Variants in RUSC1 observed in about 807,000 individuals in gnomAD.
RUSC1 encodes AP-4 complex accessory subunit RUSC1.
Under a neutral mutation model 72.1 loss-of-function variants are expected in RUSC1, and 40 were observed. That is an observed-to-expected ratio of 0.55 (90% CI 0.43 to 0.72). The LOEUF is 0.72. RUSC1 is among the 30% of genes least tolerant of loss of function. The pLI is 0.00. For synonymous variants in RUSC1, 512 were observed against 494.2 expected, an observed-to-expected ratio of 1.04 and a Z score of -0.48; for missense variants, 1,092 against 1,172.3, an observed-to-expected ratio of 0.93 and a Z score of 1.00.
chr1:155,328,174 G>A lies in RUSC1; in HGVS notation c.2439G>A (p.Pro813=), dbSNP rs552183971. The change falls in exon 9 of 10, where the codon CCG becomes CCA. Residue 813 remains proline (P), a synonymous_variant. Transcript: ENST00000368352. Reference sequence around the variant, plus strand: ...GGAGACCATCTAGCTGGCTGCCCCCGACAGTGAGTGTGTTGGCTCTTGTGA... The same window carrying A: ...GGAGACCATCTAGCTGGCTGCCCCCAACAGTGAGTGTGTTGGCTCTTGTGA... ...KSRRPSSWLP[P]TVSVLALVKR... is the part of the protein sequence containing the mutation. 1.5e-5 allele frequency: 24 copies of A among 1,613,332 alleles called. No individual in the cohort carries two copies. In the South Asian group the frequency reaches 2.2e-4, roughly 15 times the overall value.
chr1:155,325,987 C>T lies in RUSC1; in HGVS notation c.1861+77C>T, dbSNP rs1012565528. On this transcript the variant is annotated intron_variant, in intron 7 of 9. Coordinates refer to ENST00000368352, the MANE Select transcript of RUSC1 (RefSeq NM_001105203.2). This position sits in a 1 kb window ranked among gnomAD's most constrained non-coding sequence, Gnocchi z 6.5. ...AGGAAAGAGTTCTCTCCTGCTGGTT[C>T]CCACTGCTGCCAGAATGCCATTAAT... 1.4e-6 allele frequency: 2 copies of T among 1,405,874 alleles called. No homozygotes were observed. The highest frequency in any genetic ancestry group is 1.7e-5 in the Admixed American group (1 of 59,428). The allele number at this position is 1,405,874 out of a possible 1,614,324, so 87.1% of individuals were successfully genotyped here. A position where few individuals can be genotyped will look rare whatever the true frequency, so the allele number is the denominator to read the frequency against.
In RUSC1 at chr1:155,326,085, C is replaced by T. The variant is rs1651370289; in HGVS notation, c.1861+175C>T. On this transcript the variant is annotated intron_variant, in intron 7 of 9. Coordinates refer to ENST00000368352, the MANE Select transcript of RUSC1 (RefSeq NM_001105203.2). The surrounding 1 kb of genome is among the most constrained non-coding windows in gnomAD (Gnocchi z 4.7). ...GCCCATCGCCCATAGGATGAAAGACCCAAAGCCTTGGCTGTCTGGCCTCTG... is the reference window on the plus strand; with the variant it reads ...GCCCATCGCCCATAGGATGAAAGACTCAAAGCCTTGGCTGTCTGGCCTCTG... 6 of 716,320 alleles carry T rather than the reference C, an allele frequency of 8.4e-6. No individual in the cohort carries two copies. The highest frequency in any genetic ancestry group is 1.2e-5 in the Non-Finnish European group (5 of 429,178). 44.4% of individuals were successfully genotyped at this position (716,320 alleles called of 1,614,324 possible).
rs1383088657 is a variant in RUSC1, at chr1:155,321,712, G to A, written c.-62G>A. ...GGTCTGCACCTGTGGTTGCCAGGTA[G>A]GTGGATGTGAGAGACCCTACCCTTC... On this transcript the variant is annotated 5_prime_UTR_variant, in exon 2 of 10. Transcript: ENST00000368352. 1.3e-6 allele frequency: 2 copies of A among 1,596,240 alleles called. No individual in the cohort carries two copies. Among genetic ancestry groups the A allele is most frequent in the Non-Finnish European group, 1.7e-6 (2 of 1,168,654 alleles).
At position 155,321,798 on chromosome 1, in the gene RUSC1, C is replaced by T. The variant is rs750969712; in HGVS notation, c.25C>T (p.Leu9Phe). The T allele has an allele frequency of 3.1e-6, 5 of 1,614,034 alleles. No homozygotes were observed. Among genetic ancestry groups the T allele is most frequent in the Non-Finnish European group, 4.2e-6 (5 of 1,180,018 alleles). The change falls in exon 2 of 10, where the codon CTC becomes TTC. Residue 9 changes from leucine (L) to phenylalanine (F), a missense_variant. Transcript: ENST00000368352. MLSPQRAL[L>F]CNLNHIHLQH... ...CATGCTGTCCCCTCAGAGAGCTTTA[C>T]TCTGCAACCTCAACCACATCCACCT... is the stretch of plus-strand genomic sequence containing the variant.
chr1:155,323,240 C>A, intron 2 of RUSC1, 110 bp downstream of exon 2: 5 of 1,225,992 alleles, frequency 4.1e-6, no homozygotes, highest in Admixed American at 3.7e-5. Context: ...CCATCCTCCC[C>A]GCCCCTTCTA....
rs1449160938 is a variant in RUSC1, at chr1:155,325,560, T to C, written c.1709-7T>C. On this transcript the variant is annotated splice_region_variant and splice_polypyrimidine_tract_variant and intron_variant, in intron 5 of 9. Transcript: ENST00000368352. This position sits in a 1 kb window ranked among gnomAD's most constrained non-coding sequence, Gnocchi z 6.5. ...CGGGCTTGGCTGACTGCACCCCACG[T>C]TCTCAGGCTCCAGCACCCGCTCCCT... is the stretch of plus-strand genomic sequence containing the variant. The C allele has an allele frequency of 6.2e-7, 1 of 1,608,908 alleles. No individual in the cohort carries two copies. Among genetic ancestry groups the C allele is most frequent in the Non-Finnish European group, 8.5e-7 (1 of 1,179,840 alleles).
Position 155,323,088 on chromosome 1 carries a change from GC to G in RUSC1, c.1319del (p.Pro440GlnfsTer49). On this transcript the variant is annotated frameshift_variant, in exon 2 of 10. Coordinates refer to ENST00000368352, the MANE Select transcript of RUSC1 (RefSeq NM_001105203.2). LOFTEE classifies it high-confidence loss of function. The stretch of plus-strand genomic sequence containing the variant: ...TGTCAGCCCAGCGGCTGGCGAGGAG[GC>G]CCCAGCCGCGAAGGAGCCGGGCGCG... ...RAVSPAAGEEAPAAKEPGAQA... is the reference protein window; with the variant it reads ...RAVSPAAGEEXPAAKEPGAQA... 7.0e-7 allele frequency: 1 copy of G among 1,426,774 alleles called. No individual in the cohort carries two copies. 88.4% of individuals were successfully genotyped at this position (1,426,774 alleles called of 1,614,324 possible).
At position 155,324,103 on chromosome 1, in the gene RUSC1, G is replaced by A. The variant is rs952578575; in HGVS notation, c.1358-742G>A. 1.9e-5 allele frequency: 23 copies of A among 1,197,732 alleles called. 1 individual carries two copies. In the South Asian group the frequency reaches 3.9e-4, roughly 20 times the overall value. 74.2% of individuals were successfully genotyped at this position (1,197,732 alleles called of 1,614,324 possible). On this transcript the variant is annotated intron_variant, in intron 2 of 9. Transcript: ENST00000368352. Reference sequence around the variant, plus strand: ...CCAGCCTCCATGCCAAGTCTAGGGGGTCCCAGCGAGTCTGTTGTTAGGGGC... The same window carrying A: ...CCAGCCTCCATGCCAAGTCTAGGGGATCCCAGCGAGTCTGTTGTTAGGGGC...
chr1:155,321,534 AACTAATGGTCAGTCG>A (rs1273519647), intron 1 of RUSC1, 139 bp from the exon 2 acceptor site: 1 of 1,398,160 alleles, frequency 7.2e-7, no homozygotes, highest in Non-Finnish European at 9.8e-7. Flanking sequence ...CTGCAGTGGA[AACTAATGGTCAGTCG>A]ATTGCGATTT....
intron 1 of RUSC1, 39 bp downstream of exon 1, chr1:155,321,030 C>A (rs1371198771): frequency 2.7e-6 from 4 of 1,481,870 alleles, no homozygotes; most frequent in Non-Finnish European, 3.6e-6. Flanking sequence ...ACCGATGGAC[C>A]TGGGCACGAG....
Position 155,326,601 on chromosome 1 carries a change from T to A in RUSC1, c.1883T>A (p.Leu628Gln), listed in dbSNP as rs1651434031. Residue 628 changes from leucine to glutamine, a missense_variant, in exon 8 of 10, where the codon CTG (leucine) becomes CAG (glutamine). Leu to Gln is a moderately radical substitution (Grantham distance 113, BLOSUM62 -2). Transcript: ENST00000368352. This position sits in a 1 kb window ranked among gnomAD's most constrained non-coding sequence, Gnocchi z 4.7. ...EDAGLLSLLY[L>Q]PTGFFSLARG... ...CCAGGCCTGCTCTCCCTCCTGTACC[T>A]GCCAACAGGATTTTTCTCCCTGGCC... is the stretch of plus-strand genomic sequence containing the variant. The A allele has an allele frequency of 6.2e-7, 1 of 1,613,012 alleles. No homozygotes were observed. The highest frequency in any genetic ancestry group is 1.7e-5 in the Admixed American group (1 of 59,972).
At chr1:155,323,442 C>G in intron 2 of RUSC1, 1 of 264,406 alleles carries the variant, frequency 3.8e-6, no homozygotes, top group Non-Finnish European at 7.1e-6. Flanking sequence ...TTTTCCGGTT[C>G]TCGGCCGACG....
rs1382224930 is a variant in RUSC1, at chr1:155,325,121, C to A, written c.1476C>A (p.Ser492Arg). The A allele has an allele frequency of 6.2e-7, 1 of 1,614,244 alleles. No individual in the cohort carries two copies. Among genetic ancestry groups the A allele is most frequent in the Admixed American group, 1.7e-5 (1 of 60,026 alleles). ...EQKKGLLIAV[S>R]VSVDKIISHF... Reference sequence around the variant, plus strand: ...TCCCAGGTCTTCTGATAGCCGTCAGCGTCTCCGTTGATAAAATCATCTCGC... The same window carrying A: ...TCCCAGGTCTTCTGATAGCCGTCAGAGTCTCCGTTGATAAAATCATCTCGC... Residue 492 changes from serine (S) to arginine (R), a missense_variant, in exon 4 of 10, where the codon AGC becomes AGA. Physicochemically the swap from Ser to Arg is moderately radical, Grantham distance 110 (BLOSUM62 -1). Coordinates refer to ENST00000368352, the MANE Select transcript of RUSC1 (RefSeq NM_001105203.2). This position sits in a 1 kb window ranked among gnomAD's most constrained non-coding sequence, Gnocchi z 6.5.
rs1321455576 is a variant in RUSC1 at position 155,330,999 on chromosome 1, AT to A, written c.*429del. On this transcript the variant is annotated 3_prime_UTR_variant, in exon 10 of 10. Coordinates refer to ENST00000368352, the MANE Select transcript of RUSC1 (RefSeq NM_001105203.2). The stretch of plus-strand genomic sequence containing the variant: ...CATCCCTCCCAAGTTGCCTGTATTG[AT>A]AATGTACTCACTCATGCTGTACTAG... The A allele has an allele frequency of 6.1e-6, 1 of 165,136 alleles. No individual in the cohort carries two copies. The highest frequency in any genetic ancestry group is 1.3e-5 in the Non-Finnish European group (1 of 74,578). 10.2% of individuals were successfully genotyped at this position (165,136 alleles called of 1,614,324 possible). A position where few individuals can be genotyped will look rare whatever the true frequency, so the allele number is the denominator to read the frequency against.
In RUSC1 at chr1:155,330,405, C is replaced by A. The variant is rs770457396; in HGVS notation, c.2543C>A (p.Ala848Glu). Residue 848 changes from alanine to glutamate, a missense_variant and splice_region_variant, in exon 10 of 10, where the codon GCA (alanine) becomes GAA (glutamate). Coordinates refer to ENST00000368352, the MANE Select transcript of RUSC1 (RefSeq NM_001105203.2). ...TATCTTCCTCTGGCTCCCCTCAGGG[C>A]AGTGCGGGCTCTCTGTGATCACACT... The part of the protein sequence containing the change: ...SAPRMVQTHR[A>E]VRALCDHTAA... 1.1e-5 allele frequency: 18 copies of A among 1,612,434 alleles called. No homozygotes were observed. Among genetic ancestry groups the A allele is most frequent in the Admixed American group, 1.7e-5 (1 of 60,006 alleles).
chr1:155,329,521 T>C (rs1175840366), intron 9 of RUSC1, among the ~76,000 whole-genome samples: 1 of 151,450 alleles, frequency 6.6e-6, no homozygotes, highest in Admixed American at 6.6e-5. Flanking sequence ...GCCTCCTGAG[T>C]AGCTGGGACT....
At chr1:155,321,403 C>T (rs771685093) in intron 1 of RUSC1, 14 of 1,392,700 alleles carry the variant, frequency 1.0e-5, no homozygotes, top group African/African-American at 4.4e-5. Context: ...CCTGGAGGTC[C>T]ATTCTGGGCC....
At position 155,322,002 on chromosome 1, in the gene RUSC1, C is replaced by G; in HGVS notation, c.229C>G (p.His77Asp). 1 of 1,602,654 alleles carries G rather than the reference C, an allele frequency of 6.2e-7. No homozygotes were observed. The highest frequency in any genetic ancestry group is 1.7e-5 in the Admixed American group (1 of 59,022). ...PAVPCRCCQE[H>D]GPGLENRQDP... ...TGTGCCCTGCCGGTGCTGCCAGGAG[C>G]ACGGTCCGGGCCTAGAAAACCGGCA... Residue 77 changes from histidine (H) to aspartate (D), a missense_variant, in exon 2 of 10, where the codon CAC becomes GAC. By Grantham distance (81) the His-to-Asp change is moderately conservative. Transcript: ENST00000368352.
In RUSC1 at chr1:155,321,638, C is replaced by A. The variant is rs1387558204; in HGVS notation, c.-86-50C>A. ...CCGTCAAGTCACCTCGGTGTCCTTC[C>A]CCGCAGCTCTTGTCCTCACTGGCCG... On this transcript the variant is annotated intron_variant, in intron 1 of 9. Transcript: ENST00000368352. 6 of 1,308,842 alleles carry A rather than the reference C, an allele frequency of 4.6e-6. No individual in the cohort carries two copies. The African/African-American group carries it at 7.4e-5, about 16-fold the overall frequency. The allele number at this position is 1,308,842 out of a possible 1,614,324, so 81.1% of individuals were successfully genotyped here. A position where few individuals can be genotyped will look rare whatever the true frequency, so the allele number is the denominator to read the frequency against.
Sources: gnomAD v4.1 joint callset for allele counts (sites outside exome capture counted in the v4.1 genomes callset) on GRCh38, gnomAD v4.1.1 for gene constraint, Gnocchi (gnomAD v3.1) non-coding constraint, MANE v1.5 for transcripts, NCBI Gene and HGNC (gene_info 2026-07-23, HGNC 2026-07-21) for gene names.